MGAT4C: variants seen among roughly 807,000 people sequenced by gnomAD.
MGAT4C encodes alpha-1,3-mannosyl-glycoprotein 4-beta-N-acetylglucosaminyltransferase C.
MGAT4C carries 19 observed loss-of-function variants against 40.1 expected under a neutral mutation model. The observed-to-expected ratio is 0.47, with a 90% CI of 0.33 to 0.70. MGAT4C has a LOEUF of 0.70. Ranked by LOEUF, MGAT4C falls within the 30% of genes least tolerant of loss-of-function variation. The probability of loss-of-function intolerance (pLI) is 0.02; values close to 1 mark genes in which losing one functional copy is unlikely to be tolerated. For synonymous variants in MGAT4C, 181 were observed against 187.1 expected (o/e 0.97, Z 0.27); for missense variants, 491 against 563.2 (o/e 0.87, Z 1.30).
intron 2 of MGAT4C, among the ~76,000 whole-genome samples, chr12:86,475,192 C>T (rs2136307430): frequency 6.6e-6 from 1 of 151,934 alleles, no homozygotes; most frequent in East Asian, 1.9e-4. Flanking sequence ...TCCTCAACTG[C>T]AAAATGGAAG....
At chr12:86,781,270 C>A (rs913496258) in intron 1 of MGAT4C, among the ~76,000 whole-genome samples, 1 of 151,936 alleles carries the variant, frequency 6.6e-6, no homozygotes. Context: ...ATTTACATTC[C>A]CACTAACAGT....
chr12:86,306,455 A>G (rs1953936609), intron 4 of MGAT4C, among the ~76,000 whole-genome samples: 1 of 150,552 alleles, frequency 6.6e-6, no homozygotes, highest in South Asian at 2.1e-4. Flanking sequence ...AAAAGAATAC[A>G]TGTAGTATAC....
intron 3 of MGAT4C, among the ~76,000 whole-genome samples, chr12:86,346,214 T>TTTTTTG (rs950541110): frequency 1.2e-4 from 19 of 152,106 alleles, no homozygotes; most frequent in African/African-American, 2.9e-4. Context: ...ACTAGGTAGT[T>TTTTTTG]TTTTTGTTTT....
intron 2 of MGAT4C, among the ~76,000 whole-genome samples, chr12:85,998,116 A>T (rs1886842707): frequency 6.6e-6 from 1 of 152,144 alleles, no homozygotes; most frequent in African/African-American, 2.4e-5. Flanking sequence ...TCAATACCAT[A>T]TGGAAGCTGC....
intron 2 of MGAT4C, among the ~76,000 whole-genome samples, chr12:86,597,650 T>C (rs905670353): frequency 3.3e-5 from 5 of 152,144 alleles, no homozygotes; most frequent in African/African-American, 1.2e-4. Context: ...TCAGCTGGTT[T>C]GAACAATCCC....
chr12:86,038,540 C>CTTTATTTATTTA (rs143349417), intron 2 of MGAT4C, among the ~76,000 whole-genome samples: 16,076 of 144,050 alleles, frequency 0.11, 1,607 homozygotes, highest in African/African-American at 0.15. Flanking sequence ...TCAACCCTTG[C>CTTTATTTATTTA]TTTATTTATT....
Position 86,642,669 on chromosome 12 carries a change from T to C in MGAT4C, c.-229+84540A>G, listed in dbSNP as rs368071953. On this transcript the variant is annotated intron_variant, in intron 2 of 7. Transcript: ENST00000548651. ...ACATTAGAGAAATCATTCAAACTCA[T>C]TGGACATTCACCTGTAAGGTTTTGT... Among the ~76,000 whole-genome samples the C allele has an allele frequency of 7.2e-5, 11 of 151,760 alleles. No homozygotes were observed. In the East Asian group the frequency reaches 2.1e-3, roughly 30 times the overall value.
chr12:86,503,971 T>C (rs1958424530), intron 2 of MGAT4C, among the ~76,000 whole-genome samples: 1 of 150,388 alleles, frequency 6.6e-6, no homozygotes, highest in Non-Finnish European at 1.5e-5. Flanking sequence ...ATAAGAAAAA[T>C]AAAGACAATT....
chr12:86,057,946 AT>A (rs1319378845), intron 1 of MGAT4C, among the ~76,000 whole-genome samples: 4 of 152,138 alleles, frequency 2.6e-5, no homozygotes, highest in African/African-American at 7.2e-5. Context: ...GTCTCAAATA[AT>A]ATATTATTAT....
intron 1 of MGAT4C, among the ~76,000 whole-genome samples, chr12:86,771,750 A>G (rs1034135794): frequency 1.3e-5 from 2 of 151,010 alleles, no homozygotes; most frequent in African/African-American, 4.9e-5. Context: ...ATATTGGTAG[A>G]ATGTTAAAGA....
intron 2 of MGAT4C, among the ~76,000 whole-genome samples, chr12:86,454,756 A>T (rs1957484285): frequency 6.6e-6 from 1 of 152,194 alleles, no homozygotes; most frequent in African/African-American, 2.4e-5. Flanking sequence ...TAACAGCGAT[A>T]GCAGTTTGGT....
chr12:86,408,467 CTCTCTCTCTCTCTATA>C lies in MGAT4C; in HGVS notation c.-120+26674_-120+26689del, dbSNP rs1214567717. On this transcript the variant is annotated intron_variant, in intron 3 of 7. Coordinates refer to the MGAT4C transcript ENST00000548651. ...TAGTAAACTCTCTCTCTCTCTCTCT[CTCTCTCTCTCTCTATA>C]TATATATATATATATATATATATAT... Among the ~76,000 whole-genome samples the C allele has an allele frequency of 2.8e-5, 3 of 108,076 alleles. No individual in the cohort carries two copies. The East Asian group carries it at 8.4e-4, about 30-fold the overall frequency. 70.9% of individuals were successfully genotyped at this position (108,076 alleles called of 152,430 possible). A position where few individuals can be genotyped will look rare whatever the true frequency, so the allele number is the denominator to read the frequency against.
At chr12:86,601,515 G>A (rs1338898598) in intron 2 of MGAT4C, among the ~76,000 whole-genome samples, 1 of 152,092 alleles carries the variant, frequency 6.6e-6, no homozygotes, top group African/African-American at 2.4e-5. Flanking sequence ...TCCTTTGAGA[G>A]CTGTATGGTC....
intron 1 of MGAT4C, among the ~76,000 whole-genome samples, chr12:86,162,640 G>A (rs111430654): frequency 0.011 from 1,718 of 152,046 alleles, 38 homozygotes; most frequent in African/African-American, 0.04. Flanking sequence ...CTAAAATGAA[G>A]GTTGAAGTAA....
intron 2 of MGAT4C, among the ~76,000 whole-genome samples, chr12:86,674,683 C>T (rs1358727480): frequency 6.6e-6 from 1 of 152,008 alleles, no homozygotes; most frequent in Non-Finnish European, 1.5e-5. Context: ...GCAACAAGAG[C>T]TCAACTCTGT....
chr12:86,592,164 C>T (rs368331828), intron 2 of MGAT4C, among the ~76,000 whole-genome samples: 2 of 152,050 alleles, frequency 1.3e-5, no homozygotes, highest in South Asian at 4.2e-4. Context: ...TTTATTTTAT[C>T]AGAAGTTGAT....
At chr12:86,330,183 A>G (rs1954629655) in intron 4 of MGAT4C, among the ~76,000 whole-genome samples, 1 of 152,178 alleles carries the variant, frequency 6.6e-6, no homozygotes, top group Admixed American at 6.5e-5. Flanking sequence ...ACTCATATCT[A>G]TAGGGTAGGA....
At chr12:86,110,142 G>A (rs982667854) in intron 1 of MGAT4C, among the ~76,000 whole-genome samples, 4 of 149,026 alleles carry the variant, frequency 2.7e-5, no homozygotes, top group African/African-American at 9.9e-5. Flanking sequence ...GCTAGATCAA[G>A]CAAGATCTTT....
intron 2 of MGAT4C, among the ~76,000 whole-genome samples, chr12:86,689,504 G>A (rs755868784): frequency 7.9e-5 from 12 of 152,258 alleles, no homozygotes; most frequent in South Asian, 2.1e-4. Context: ...TTGCATGGGC[G>A]TCCTTTTTGT....
Sources: gnomAD v4.1 joint callset for allele counts (sites outside exome capture counted in the v4.1 genomes callset) on GRCh38, gnomAD v4.1.1 for gene constraint, MANE v1.5 for transcripts, NCBI Gene and HGNC (gene_info 2026-07-23, HGNC 2026-07-21) for gene names.